The following RNF38 variants were observed in gnomAD, a reference collection of about 807,000 sequenced individuals.
The protein encoded by RNF38 is ring finger protein 38, also known as E3 ubiquitin-protein ligase RNF38.
RNF38 carries 15 observed loss-of-function variants against 67.2 expected under a neutral mutation model. The ratio of observed to expected loss-of-function variants is 0.22; its 90% CI spans 0.15 to 0.34. The LOEUF is 0.34. Ranked by LOEUF, RNF38 falls within the 10% of genes least tolerant of loss-of-function variation. The probability of loss-of-function intolerance (pLI) is 1.00; values close to 1 mark genes in which losing one functional copy is unlikely to be tolerated. For synonymous variants in RNF38, 220 were observed against 218.8 expected (o/e 1.01, Z -0.05); for missense variants, 524 against 639.9 (o/e 0.82, Z 1.95).
chr9:36,341,216 C>G (rs750266454), intron 11 of RNF38, among the ~76,000 whole-genome samples: 5 of 152,124 alleles, frequency 3.3e-5, no homozygotes, highest in African/African-American at 7.2e-5. Context: ...ATCAGCCACA[C>G]GGAACTTGTG....
At chr9:36,424,381 G>C (rs934884076) in intron 2 of RNF38, among the ~76,000 whole-genome samples, 4 of 152,172 alleles carry the variant, frequency 2.6e-5, no homozygotes, top group African/African-American at 9.7e-5. Context: ...GCATAGGTAG[G>C]AAAGTGGAGT....
intron 1 of RNF38, among the ~76,000 whole-genome samples, chr9:36,397,104 GTT>G (rs34047668): frequency 0.052 from 7,050 of 135,248 alleles, 538 homozygotes; most frequent in African/African-American, 0.17. Flanking sequence ...TATATGTTTT[GTT>G]TTTTTTTTTT....
At chr9:36,386,172 C>G (rs555328971) in intron 2 of RNF38, among the ~76,000 whole-genome samples, 35 of 152,286 alleles carry the variant, frequency 2.3e-4, no homozygotes, top group African/African-American at 6.3e-4. Context: ...TACTTTTGCA[C>G]CAACCTAATA....
At chr9:36,367,630 ATTC>A (rs1351370472) in intron 4 of RNF38, among the ~76,000 whole-genome samples, 2 of 152,048 alleles carry the variant, frequency 1.3e-5, no homozygotes, top group African/African-American at 4.8e-5. Flanking sequence ...AAAACAGCTT[ATTC>A]TTTTAATACA....
chr9:36,430,166 GA>G (rs1156366771), intron 1 of RNF38, among the ~76,000 whole-genome samples: 1 of 152,022 alleles, frequency 6.6e-6, no homozygotes, highest in Non-Finnish European at 1.5e-5. Flanking sequence ...CTCCTAAAGA[GA>G]AGGTGTAATC....
At chr9:36,399,627 G>A (rs936426480) in intron 1 of RNF38, among the ~76,000 whole-genome samples, 1 of 151,654 alleles carries the variant, frequency 6.6e-6, no homozygotes, top group African/African-American at 2.4e-5. Context: ...TTTATTCCAA[G>A]TGTGTCCCAG....
At chr9:36,396,746 A>G (rs1837537368) in intron 1 of RNF38, among the ~76,000 whole-genome samples, 1 of 152,056 alleles carries the variant, frequency 6.6e-6, no homozygotes, top group Non-Finnish European at 1.5e-5. Flanking sequence ...GAATGGAGTG[A>G]ATTTTATGGT....
At chr9:36,479,664 G>T (rs1044091419) in intron 1 of RNF38, among the ~76,000 whole-genome samples, 2 of 152,170 alleles carry the variant, frequency 1.3e-5, no homozygotes, top group African/African-American at 4.8e-5. Flanking sequence ...CCAGTGGTTG[G>T]TATTGGCATT....
chr9:36,400,310 G>A, upstream of RNF38: 2 of 1,272,112 alleles, frequency 1.6e-6, no homozygotes, highest in African/African-American at 1.5e-5. Flanking sequence ...CGTTCTCCTG[G>A]GTGACATCAT....
intron 1 of RNF38, among the ~76,000 whole-genome samples, chr9:36,426,931 G>T (rs573153788): frequency 6.6e-6 from 1 of 152,336 alleles, no homozygotes; most frequent in East Asian, 1.9e-4. Context: ...TTAGATGTAT[G>T]AAAAAGCTCA....
In RNF38 at chr9:36,339,450, C is replaced by T; in HGVS notation, c.*302G>A. On this transcript the variant is annotated 3_prime_UTR_variant, in exon 12 of 12. Coordinates refer to ENST00000259605, the MANE Select transcript of RNF38 (RefSeq NM_022781.5). ...AGCACATGCTAAAAGATCACGTCCA[C>T]TGTAATCTTGCAGCAACACTCGGAA... 1 of 358,984 alleles carries T rather than the reference C, an allele frequency of 2.8e-6. No individual in the cohort carries two copies. Among genetic ancestry groups the T allele is most frequent in the Non-Finnish European group, 5.2e-6 (1 of 193,372 alleles). The allele number at this position is 358,984 out of a possible 1,614,324, so 22.2% of individuals were successfully genotyped here.
chr9:36,482,945 G>A (rs1421865678), intron 1 of RNF38, among the ~76,000 whole-genome samples: 3 of 152,182 alleles, frequency 2.0e-5, no homozygotes, highest in African/African-American at 7.2e-5. Context: ...ATTAGAAAAG[G>A]TGCCCCTTCT....
chr9:36,355,782 C>T (rs1411763671), intron 6 of RNF38, among the ~76,000 whole-genome samples: 9 of 152,022 alleles, frequency 5.9e-5, no homozygotes, highest in African/African-American at 2.2e-4. Flanking sequence ...AACGTTTATA[C>T]TAATTTGTAT....
intron 2 of RNF38, among the ~76,000 whole-genome samples, chr9:36,378,614 C>T (rs1835963065): frequency 6.6e-6 from 1 of 152,300 alleles, no homozygotes; most frequent in Middle Eastern, 3.4e-3. Flanking sequence ...TAAAAATTCA[C>T]TACCTAAAAT....
chr9:36,342,523 G>A lies in RNF38; in HGVS notation c.1386-99C>T, dbSNP rs190656888. The A allele has an allele frequency of 1.6e-4, 125 of 767,476 alleles. 1 individual carries two copies. The highest frequency in any genetic ancestry group is 1.1e-3 in the East Asian group (42 of 37,406). The allele number at this position is 767,476 out of a possible 1,614,324, so 47.5% of individuals were successfully genotyped here. On this transcript the variant is annotated intron_variant, in intron 10 of 11. Coordinates refer to ENST00000259605, the MANE Select transcript of RNF38 (RefSeq NM_022781.5). The stretch of plus-strand genomic sequence containing the variant: ...AGATAATTTATTCTGTTATCAAAAC[G>A]TCACTTAAATTTTTAAACAAAATTA...
At chr9:36,385,377 C>T (rs916274915) in intron 2 of RNF38, among the ~76,000 whole-genome samples, 2 of 143,558 alleles carry the variant, frequency 1.4e-5, no homozygotes, top group African/African-American at 5.1e-5. Context: ...TGATCCACTA[C>T]AGCTTTTTTT....
intron 4 of RNF38, among the ~76,000 whole-genome samples, chr9:36,362,094 C>T (rs1273502022): frequency 2.0e-5 from 3 of 152,110 alleles, no homozygotes; most frequent in Non-Finnish European, 4.4e-5. Context: ...CAGTGGCTCA[C>T]GCTTGTAATC....
chr9:36,443,097 A>C (rs1839230049), intron 1 of RNF38, among the ~76,000 whole-genome samples: 1 of 152,230 alleles, frequency 6.6e-6, no homozygotes, highest in Non-Finnish European at 1.5e-5. Context: ...GGCTTATGCC[A>C]CTTCTATGGA....
intron 1 of RNF38, among the ~76,000 whole-genome samples, chr9:36,460,848 T>C (rs1219035383): frequency 1.7e-4 from 23 of 138,372 alleles, no homozygotes; most frequent in Admixed American, 3.1e-4. Flanking sequence ...GATTGCACCA[T>C]TGCACTCCAG....
Sources: allele counts gnomAD v4.1 joint callset (sites outside exome capture counted in the v4.1 genomes callset), GRCh38; gene constraint gnomAD v4.1.1; transcripts MANE v1.5; gene names NCBI Gene and HGNC (gene_info 2026-07-23, HGNC 2026-07-21).